The following SVEP1 variants were observed in gnomAD, a reference collection of about 807,000 sequenced individuals.
SVEP1 encodes the protein sushi, von Willebrand factor type A, EGF and pentraxin domain-containing protein 1.
A neutral mutation model predicts 367.3 loss-of-function variants in SVEP1; 164 were observed. The ratio of observed to expected loss-of-function variants is 0.45; its 90% CI spans 0.39 to 0.51. The LOEUF (loss-of-function observed/expected upper bound fraction) is 0.51, where lower values mean the gene tolerates loss of function less well. SVEP1 is among the 20% of genes least tolerant of loss of function. The pLI, the probability that SVEP1 is intolerant of heterozygous loss-of-function variation, is 0.00. For synonymous variants in SVEP1, 1,666 were observed against 1,611.6 expected (o/e 1.03, Z -0.81); for missense variants, 4,117 against 4,425.3 (o/e 0.93, Z 1.98).
At chr9:110,472,358 C>G (rs1464608955) in intron 14 of SVEP1, 35 bp from the exon 15 acceptor site, 2 of 1,528,536 alleles carry the variant, frequency 1.3e-6, no homozygotes, top group Non-Finnish European at 1.8e-6. Flanking sequence ...AATGATCACA[C>G]AGTTGCTTTT....
At position 110,365,689 on chromosome 9, in the gene SVEP1, C is replaced by G. The variant is rs1827188810; in HGVS notation, c.*850G>C. On this transcript the variant is annotated 3_prime_UTR_variant, in exon 48 of 48. Coordinates refer to ENST00000374469, the MANE Select transcript of SVEP1 (RefSeq NM_153366.4). Reference sequence around the variant, plus strand: ...AGGAGCACAGCTCTGGGGAATGTTTCCCATTTGCCTTTTTCCTTCTCTTTC... The same window carrying G: ...AGGAGCACAGCTCTGGGGAATGTTTGCCATTTGCCTTTTTCCTTCTCTTTC... The G allele has an allele frequency of 6.6e-6, 1 of 152,200 alleles. No homozygotes were observed. The highest frequency in any genetic ancestry group is 2.1e-4 in the South Asian group (1 of 4,828). 9.4% of individuals were successfully genotyped at this position (152,200 alleles called of 1,614,324 possible).
At chr9:110,434,569 A>G in intron 29 of SVEP1, 63 bp from the exon 30 acceptor site, 21 of 1,494,732 alleles carry the variant, frequency 1.4e-5, no homozygotes, top group Non-Finnish European at 1.9e-5. Context: ...CACCAAGTCA[A>G]TGATTTCAAA....
intron 3 of SVEP1, among the ~76,000 whole-genome samples, chr9:110,532,886 G>A (rs538079498): frequency 1.3e-5 from 2 of 152,024 alleles, no homozygotes; most frequent in African/African-American, 4.8e-5. Context: ...GCTTCCTGTA[G>A]AGCAACAATC....
At chr9:110,395,628 C>A (rs1463042846) in intron 40 of SVEP1, among the ~76,000 whole-genome samples, 1 of 152,014 alleles carries the variant, frequency 6.6e-6, no homozygotes, top group East Asian at 1.9e-4. Flanking sequence ...CAGAGACACA[C>A]ATAGGCTCAA....
chr9:110,448,636 T>C (rs1828643257), intron 24 of SVEP1, among the ~76,000 whole-genome samples: 2 of 152,216 alleles, frequency 1.3e-5, no homozygotes, highest in South Asian at 4.1e-4. Flanking sequence ...ACAACCTATG[T>C]TCCTTCTGAA....
intron 43 of SVEP1, among the ~76,000 whole-genome samples, chr9:110,383,667 G>A (rs554012171): frequency 6.6e-6 from 1 of 152,330 alleles, no homozygotes; most frequent in South Asian, 2.1e-4. Flanking sequence ...AATCCCACTA[G>A]TCCAGCCTGC....
At chr9:110,578,375 TTC>T (rs1365360700) in intron 1 of SVEP1, among the ~76,000 whole-genome samples, 15 of 151,800 alleles carry the variant, frequency 9.9e-5, no homozygotes, top group Admixed American at 2.0e-4. Context: ...GGGTTTTTTT[TTC>T]CTCTCCCTAC....
Position 110,489,742 on chromosome 9 carries a change from T to A in SVEP1, c.1838A>T (p.Tyr613Phe), listed in dbSNP as rs759731242. Residue 613 changes from tyrosine (Y) to phenylalanine (F), a missense_variant, in exon 9 of 48, where the codon TAC (tyrosine) becomes TTC (phenylalanine). Around this residue, in one of 4 missense-constraint regions of SVEP1, gnomAD observed 2,174 missense variants for 2,494.3 expected, o/e 0.87. Transcript: ENST00000374469. ...VHVHPAFTPP[Y>F]LFPIGDVAIV... ...AGCAACATCTCCAATTGGGAAAAGG[T>A]AAGGTGGGGTGAAAGCTGGATGAAC... 1.9e-6 allele frequency: 3 copies of A among 1,613,356 alleles called. No homozygotes were observed. Among genetic ancestry groups the A allele is most frequent in the East Asian group, 2.2e-5 (1 of 44,854 alleles).
At chr9:110,372,158 T>C (rs1347793272) in intron 46 of SVEP1, among the ~76,000 whole-genome samples, 1 of 152,224 alleles carries the variant, frequency 6.6e-6, no homozygotes, top group Non-Finnish European at 1.5e-5. Context: ...CTGCAATGAT[T>C]TTCTTCTGGG....
At chr9:110,471,741 GA>G (rs1829021197) in intron 15 of SVEP1, 144 bp from the exon 16 acceptor site, 1 of 663,094 alleles carries the variant, frequency 1.5e-6, no homozygotes, top group Non-Finnish European at 2.5e-6. Context: ...AATCTTTCAG[GA>G]AAAATTAATT....
At chr9:110,568,569 T>C (rs1176583681) in intron 1 of SVEP1, among the ~76,000 whole-genome samples, 1 of 152,102 alleles carries the variant, frequency 6.6e-6, no homozygotes, top group Non-Finnish European at 1.5e-5. Flanking sequence ...AAAAGGCCTG[T>C]GAAGAGGAAG....
intron 4 of SVEP1, among the ~76,000 whole-genome samples, chr9:110,513,614 G>T (rs185739023): frequency 8.3e-4 from 126 of 152,198 alleles, no homozygotes; most frequent in African/African-American, 2.9e-3. Context: ...ACTATCTCCA[G>T]AGCCAAGATG....
intron 40 of SVEP1, among the ~76,000 whole-genome samples, chr9:110,393,697 A>G (rs529073023): frequency 1.3e-5 from 2 of 152,338 alleles, no homozygotes; most frequent in South Asian, 2.1e-4. Flanking sequence ...AAAACAGCAA[A>G]CCAGGAGATT....
intron 24 of SVEP1, among the ~76,000 whole-genome samples, chr9:110,448,152 C>CGCGT (rs1554715866): frequency 7.2e-6 from 1 of 138,754 alleles, no homozygotes; most frequent in Non-Finnish European, 1.6e-5. Flanking sequence ...TGTGTGTGCG[C>CGCGT]GTGTGTGTGT....
Position 110,445,965 on chromosome 9 carries a change from G to C in SVEP1, c.4335C>G (p.Leu1445=). The change falls in exon 26 of 48, where the codon CTC becomes CTG. Residue 1445 remains leucine, a synonymous_variant. Coordinates refer to ENST00000374469, the MANE Select transcript of SVEP1 (RefSeq NM_153366.4). ...IYGYVMLDGM[L]PSLHALTCTF... is the part of the protein sequence containing the mutation. ...TACAGGTTAGAGCATGGAGAGATGG[G>C]AGCATGCCATCTAGCATGACATATC... is the stretch of plus-strand genomic sequence containing the variant. The C allele has an allele frequency of 6.2e-7, 1 of 1,613,864 alleles. No individual in the cohort carries two copies. The highest frequency in any genetic ancestry group is 8.5e-7 in the Non-Finnish European group (1 of 1,179,826).
At chr9:110,513,926 T>C in intron 4 of SVEP1, 22 bp downstream of exon 4, 4 of 1,599,640 alleles carry the variant, frequency 2.5e-6, no homozygotes, top group Non-Finnish European at 3.4e-6. Context: ...TATTTCCCAT[T>C]TTCCAACAGT....
At position 110,427,573 on chromosome 9, in the gene SVEP1, T is replaced by C. The variant is rs368281539; in HGVS notation, c.5975+18A>G. 5 of 1,607,448 alleles carry C rather than the reference T, an allele frequency of 3.1e-6. No homozygotes were observed. Among genetic ancestry groups the C allele is most frequent in the Non-Finnish European group, 3.4e-6 (4 of 1,176,584 alleles). ...TCCTTGGCTCTCAATGATCCTTTCCTTCACAGGCCCTACTCACCCTTCTTT... is the reference window on the plus strand; with the variant it reads ...TCCTTGGCTCTCAATGATCCTTTCCCTCACAGGCCCTACTCACCCTTCTTT... On this transcript the variant is annotated intron_variant, in intron 36 of 47. Transcript: ENST00000374469.
At chr9:110,492,534 T>C (rs1162814387) in intron 8 of SVEP1, among the ~76,000 whole-genome samples, 1 of 152,054 alleles carries the variant, frequency 6.6e-6, no homozygotes, top group Non-Finnish European at 1.5e-5. Context: ...CCATATATAA[T>C]TGCAGCTACA....
intron 3 of SVEP1, among the ~76,000 whole-genome samples, chr9:110,542,133 T>G (rs1014214550): frequency 2.6e-5 from 4 of 152,082 alleles, no homozygotes; most frequent in Admixed American, 2.0e-4. Flanking sequence ...TTGAACACAG[T>G]TCAGTGTCTG....
Sources: allele counts gnomAD v4.1 joint callset (sites outside exome capture counted in the v4.1 genomes callset), GRCh38; gene constraint gnomAD v4.1.1; regional missense constraint gnomAD v4.1.1; transcripts MANE v1.5; gene names NCBI Gene and HGNC (gene_info 2026-07-23, HGNC 2026-07-21).